Variants in PIBF1 observed in about 807,000 individuals in gnomAD.
PIBF1 encodes progesterone immunomodulatory binding factor 1.
Under a neutral mutation model 112.5 loss-of-function variants are expected in PIBF1, and 90 were observed. The ratio of observed to expected loss-of-function variants is 0.80; its 90% confidence interval spans 0.67 to 0.95. The LOEUF is 0.95. Among genes scored for constraint, PIBF1 ranks in the 40% least tolerant of loss-of-function variants. The pLI, the probability that PIBF1 is intolerant of heterozygous loss-of-function variation, is 0.00. For synonymous variants in PIBF1, 301 were observed against 288.6 expected, an observed-to-expected ratio of 1.04 and a Z score of -0.44; for missense variants, 915 against 852.3, an observed-to-expected ratio of 1.07 and a Z score of -0.92.
At chr13:72,920,176 T>A (rs528385142) in intron 13 of PIBF1, among the ~76,000 whole-genome samples, 15 of 152,210 alleles carry the variant, frequency 9.9e-5, no homozygotes, top group Non-Finnish European at 1.9e-4. Flanking sequence ...CTCGAAATAA[T>A]GTTAACTGTC....
At chr13:72,885,824 C>T (rs2039827535) in intron 10 of PIBF1, among the ~76,000 whole-genome samples, 1 of 152,094 alleles carries the variant, frequency 6.6e-6, no homozygotes, top group Non-Finnish European at 1.5e-5. Context: ...CCTCAGGAGT[C>T]ATCCGCATCC....
At chr13:72,890,349 A>G (rs2138550796) in intron 10 of PIBF1, among the ~76,000 whole-genome samples, 1 of 152,202 alleles carries the variant, frequency 6.6e-6, no homozygotes, top group Non-Finnish European at 1.5e-5. Context: ...TCCCTGTGTA[A>G]TAGCTGATTT....
intron 5 of PIBF1, among the ~76,000 whole-genome samples, chr13:72,814,850 T>C (rs1217714770): frequency 1.3e-5 from 2 of 152,190 alleles, no homozygotes; most frequent in Non-Finnish European, 2.9e-5. Flanking sequence ...GGAAAATACA[T>C]ACAGTTCTAT....
At chr13:72,852,485 G>GC (rs1173641989) in intron 9 of PIBF1, among the ~76,000 whole-genome samples, 1 of 152,184 alleles carries the variant, frequency 6.6e-6, no homozygotes, top group East Asian at 1.9e-4. Flanking sequence ...CACTTGGCTT[G>GC]CCCTCAGCAG....
Position 72,946,101 on chromosome 13 carries a change from T to A in PIBF1, c.1833+14834T>A, listed in dbSNP as rs1399533804. 4.2e-4 allele frequency among the ~76,000 whole-genome samples: 64 copies of A among 152,078 alleles called. 1 individual carries two copies. Among genetic ancestry groups the A allele is most frequent in the Admixed American group, 4.2e-3 (64 of 15,260 alleles). ...CTCACACTGCCAATGAAGACATACC[T>A]GAGACTGTAATCAATGAAGGAAAGA... On this transcript the variant is annotated intron_variant, in intron 14 of 17. Transcript: ENST00000326291.
chr13:73,011,465 A>C (rs1408926533), intron 17 of PIBF1, among the ~76,000 whole-genome samples: 1 of 152,168 alleles, frequency 6.6e-6, no homozygotes, highest in East Asian at 1.9e-4. Flanking sequence ...TATGTTAGAG[A>C]ACTCAGTTCT....
chr13:72,795,453 G>A lies in PIBF1; in HGVS notation c.448G>A (p.Gly150Arg), dbSNP rs141123601. ...AAATCTTCAGCTAAGAGAAAAAGCT[G>A]GAGATGTTCGTCGAAACCTGCGTGA... is the stretch of plus-strand genomic sequence containing the variant. ...ETNLQLREKA[G>R]DVRRNLRDFE... The change falls in exon 4 of 18, where the codon GGA becomes AGA. Residue 150 changes from glycine (G) to arginine (R), a missense_variant. Gly to Arg is a moderately radical substitution (Grantham distance 125, BLOSUM62 -2). Transcript: ENST00000326291. 15 of 1,610,246 alleles carry A rather than the reference G, an allele frequency of 9.3e-6. No homozygotes were observed. The highest frequency in any genetic ancestry group is 1.3e-5 in the Non-Finnish European group (15 of 1,178,124).
chr13:72,950,071 A>T (rs1001098387), intron 14 of PIBF1, among the ~76,000 whole-genome samples: 4 of 152,196 alleles, frequency 2.6e-5, no homozygotes, highest in Non-Finnish European at 5.9e-5. Context: ...AATACTGCGT[A>T]CTGCTGAAAT....
chr13:72,831,605 T>A (rs2037117116), intron 8 of PIBF1, among the ~76,000 whole-genome samples: 1 of 152,212 alleles, frequency 6.6e-6, no homozygotes, highest in Non-Finnish European at 1.5e-5. Context: ...TGAGTTCTAG[T>A]TTGATTGCAC....
At chr13:72,872,478 A>C (rs1385245511) in intron 10 of PIBF1, among the ~76,000 whole-genome samples, 1 of 152,198 alleles carries the variant, frequency 6.6e-6, no homozygotes, top group African/African-American at 2.4e-5. Flanking sequence ...GGGAGAAAGA[A>C]CAAGCCTATA....
chr13:72,942,369 T>C (rs1285229232), intron 14 of PIBF1, among the ~76,000 whole-genome samples: 1 of 152,214 alleles, frequency 6.6e-6, no homozygotes, highest in Non-Finnish European at 1.5e-5. Flanking sequence ...TACTTTAATT[T>C]TTTTCATTTT....
intron 6 of PIBF1, among the ~76,000 whole-genome samples, chr13:72,825,210 G>C (rs754410254): frequency 7.9e-5 from 12 of 152,170 alleles, no homozygotes; most frequent in Non-Finnish European, 1.8e-4. Flanking sequence ...GGTGTTTTGG[G>C]AGACAGTTGA....
chr13:72,834,104 C>G (rs1409811525), intron 8 of PIBF1, among the ~76,000 whole-genome samples: 1 of 152,038 alleles, frequency 6.6e-6, no homozygotes, highest in African/African-American at 2.4e-5. Context: ...ATGAAAGTAT[C>G]TCTATAGAAG....
At chr13:72,871,365 G>A (rs548203437) in intron 10 of PIBF1, among the ~76,000 whole-genome samples, 86 of 152,064 alleles carry the variant, frequency 5.7e-4, no homozygotes, top group Non-Finnish European at 9.0e-4. Context: ...GAGTGCAATG[G>A]CGCAATCTTG....
intron 14 of PIBF1, among the ~76,000 whole-genome samples, chr13:72,935,570 T>A (rs180908527): frequency 4.6e-5 from 7 of 152,340 alleles, no homozygotes; most frequent in Admixed American, 3.3e-4. Flanking sequence ...AGGAGTAGAC[T>A]GGCCGGATCA....
At chr13:72,858,298 C>A (rs9670743) in intron 10 of PIBF1, among the ~76,000 whole-genome samples, 90,756 of 151,932 alleles carry the variant, frequency 0.6, 27,765 homozygotes, top group East Asian at 0.76. Context: ...GTAATCTGCC[C>A]GCCACAGCCT....
At chr13:72,928,016 CAT>C (rs1368777771) in intron 13 of PIBF1, among the ~76,000 whole-genome samples, 1 of 53,982 alleles carries the variant, frequency 1.9e-5, no homozygotes, top group African/African-American at 6.4e-5. Flanking sequence ...CATATATATA[CAT>C]ATATATACAT....
In PIBF1 at chr13:72,827,081, T is replaced by C. The variant is rs755112238; in HGVS notation, c.878T>C (p.Met293Thr). 3.1e-6 allele frequency: 5 copies of C among 1,603,122 alleles called. No individual in the cohort carries two copies. The highest frequency in any genetic ancestry group is 4.3e-6 in the Non-Finnish European group (5 of 1,173,502). ...CATGAAATACTTGAAGCCTCTCACA[T>C]GATTCAAACAAAAGAACGAAGTGAA... ...RKHEILEASH[M>T]IQTKERSELS... is the part of the protein sequence containing the mutation. The change falls in exon 7 of 18, where the codon ATG becomes ACG. Residue 293 changes from methionine to threonine, a missense_variant. By Grantham distance (81) the Met-to-Thr change is moderately conservative. Coordinates refer to ENST00000326291, the MANE Select transcript of PIBF1 (RefSeq NM_006346.4).
At chr13:72,976,974 G>A (rs1465923208) in intron 16 of PIBF1, among the ~76,000 whole-genome samples, 2 of 152,194 alleles carry the variant, frequency 1.3e-5, no homozygotes, top group East Asian at 1.9e-4. Context: ...GAACATGGAC[G>A]GCCCCTGGGA....
Sources: gnomAD v4.1 joint callset for allele counts (sites outside exome capture counted in the v4.1 genomes callset) on GRCh38, gnomAD v4.1.1 for gene constraint, MANE v1.5 for transcripts, NCBI Gene and HGNC (gene_info 2026-07-23, HGNC 2026-07-21) for gene names.